PDE7B: variants seen among roughly 807,000 people sequenced by gnomAD.
The protein encoded by PDE7B is phosphodiesterase 7B, also known as 3',5'-cyclic-AMP phosphodiesterase 7B.
A neutral mutation model predicts 56.2 loss-of-function variants in PDE7B; 29 were observed. The ratio of observed to expected loss-of-function variants is 0.52; its 90% CI spans 0.38 to 0.70. The LOEUF (loss-of-function observed/expected upper bound fraction) is 0.70. Ranked by LOEUF, PDE7B falls within the 30% of genes least tolerant of loss-of-function variation. PDE7B has a pLI of 0.00. For synonymous variants in PDE7B, 197 were observed against 196.9 expected, an observed-to-expected ratio of 1.00 and a Z score of 0.00; for missense variants, 490 against 565.0, an observed-to-expected ratio of 0.87 and a Z score of 1.35.
chr6:135,950,604 C>T (rs561880915), intron 2 of PDE7B, among the ~76,000 whole-genome samples: 26 of 152,138 alleles, frequency 1.7e-4, no homozygotes, highest in Non-Finnish European at 3.1e-4. Context: ...CTGGTCAAGC[C>T]CTTGGCTCAC....
At chr6:135,997,694 A>G (rs1403437444) in intron 2 of PDE7B, among the ~76,000 whole-genome samples, 4 of 152,102 alleles carry the variant, frequency 2.6e-5, no homozygotes, top group Non-Finnish European at 5.9e-5. Flanking sequence ...ATCATTAAAC[A>G]CTATATTTGC....
chr6:135,874,438 G>C (rs1226896328), intron 1 of PDE7B, among the ~76,000 whole-genome samples: 2 of 152,148 alleles, frequency 1.3e-5, no homozygotes, highest in African/African-American at 4.8e-5. Flanking sequence ...ATTCACTGTG[G>C]TCCATTTCTA....
At chr6:136,016,470 A>G (rs781426980) in intron 2 of PDE7B, among the ~76,000 whole-genome samples, 8 of 152,222 alleles carry the variant, frequency 5.3e-5, no homozygotes, top group Non-Finnish European at 1.2e-4. Context: ...CGCTCGATAA[A>G]TATTAGCTAT....
At chr6:135,897,382 A>G (rs1057179027) in intron 1 of PDE7B, among the ~76,000 whole-genome samples, 2 of 152,080 alleles carry the variant, frequency 1.3e-5, no homozygotes, top group Admixed American at 6.6e-5. Flanking sequence ...AATGTCTTCT[A>G]CTTTCATTAG....
intron 2 of PDE7B, among the ~76,000 whole-genome samples, chr6:136,105,833 A>T (rs764634377): frequency 5.9e-5 from 9 of 152,174 alleles, no homozygotes; most frequent in Non-Finnish European, 1.2e-4. Context: ...CTAAATCTAA[A>T]ACTTTACGTA....
chr6:135,873,756 A>G (rs533569262), intron 1 of PDE7B, among the ~76,000 whole-genome samples: 1 of 152,314 alleles, frequency 6.6e-6, no homozygotes. Context: ...GACATAGACA[A>G]TGTTTTTATA....
At chr6:136,164,751 TATTAC>T (rs956508761) in intron 8 of PDE7B, among the ~76,000 whole-genome samples, 30 of 152,190 alleles carry the variant, frequency 2.0e-4, no homozygotes, top group Admixed American at 1.6e-3. Flanking sequence ...TATAAAATTA[TATTAC>T]ATTAAAATAA....
rs143991171 is a variant in PDE7B at position 136,181,229 on chromosome 6, C to T, written c.951C>T (p.Ile317=). 2.7e-5 allele frequency: 43 copies of T among 1,610,378 alleles called. No individual in the cohort carries two copies. The highest frequency in any genetic ancestry group is 1.9e-4 in the African/African-American group (14 of 74,832). The change falls in exon 11 of 13, where the codon ATC becomes ATT. Residue 317 remains isoleucine (I), a splice_region_variant and synonymous_variant. Transcript: ENST00000308191. ...DAQDRHFMLQ[I]ALKCADICNP... is the part of the protein sequence containing the mutation. ...CTCCCCGCCCTGTCATTTCTCAGAT[C>T]GCCTTGAAGTGTGCTGACATTTGCA...
intron 1 of PDE7B, among the ~76,000 whole-genome samples, chr6:135,910,837 G>A (rs1776199678): frequency 6.6e-6 from 1 of 151,392 alleles, no homozygotes; most frequent in Non-Finnish European, 1.5e-5. Flanking sequence ...GCATTATCTC[G>A]ACACAGCCAA....
chr6:136,098,599 C>A (rs887699588), intron 2 of PDE7B, among the ~76,000 whole-genome samples: 2 of 152,114 alleles, frequency 1.3e-5, no homozygotes, highest in East Asian at 1.9e-4. Context: ...TAAAGCCTCA[C>A]AATGCTTCTG....
chr6:136,014,210 A>G (rs1775938265), intron 2 of PDE7B, among the ~76,000 whole-genome samples: 1 of 152,266 alleles, frequency 6.6e-6, no homozygotes, highest in African/African-American at 2.4e-5. Context: ...AACTTGAAAT[A>G]TAGAGGAAAG....
intron 2 of PDE7B, among the ~76,000 whole-genome samples, chr6:135,975,978 C>T (rs1222880542): frequency 6.6e-6 from 1 of 152,124 alleles, no homozygotes; most frequent in Non-Finnish European, 1.5e-5. Flanking sequence ...ACCTTGGAAA[C>T]TCCTAGGTGA....
intron 2 of PDE7B, among the ~76,000 whole-genome samples, chr6:136,085,878 G>A (rs1202280607): frequency 6.6e-6 from 1 of 152,024 alleles, no homozygotes; most frequent in Non-Finnish European, 1.5e-5. Flanking sequence ...AACACTTCAG[G>A]CTCAAGCAGT....
intron 2 of PDE7B, among the ~76,000 whole-genome samples, chr6:136,020,811 A>C (rs1360051206): frequency 6.6e-6 from 1 of 152,122 alleles, no homozygotes; most frequent in Non-Finnish European, 1.5e-5. Flanking sequence ...ACTTTTGGGC[A>C]TAAGTACTTG....
intron 1 of PDE7B, among the ~76,000 whole-genome samples, chr6:135,885,334 T>C (rs9376163): frequency 8.1e-4 from 120 of 147,808 alleles, no homozygotes; most frequent in Non-Finnish European, 1.6e-3. Flanking sequence ...TGTTGTTTTT[T>C]TTTTTTTTTA....
intron 2 of PDE7B, among the ~76,000 whole-genome samples, chr6:135,956,554 A>G (rs371345678): frequency 2.8e-4 from 42 of 152,224 alleles, no homozygotes; most frequent in Admixed American, 7.2e-4. Flanking sequence ...CAAGGCAGGC[A>G]GATCACTTGA....
chr6:136,143,905 T>A (rs1394461275), intron 3 of PDE7B, among the ~76,000 whole-genome samples: 1 of 152,084 alleles, frequency 6.6e-6, no homozygotes, highest in African/African-American at 2.4e-5. Context: ...TGTGGCATAT[T>A]TCCATCATTC....
chr6:136,097,922 G>C (rs1777495810), intron 2 of PDE7B: 1 of 152,074 alleles, frequency 6.6e-6, no homozygotes, highest in East Asian at 1.9e-4. Context: ...TGCAAGGTAT[G>C]TTCTAAAGCA....
intron 2 of PDE7B, among the ~76,000 whole-genome samples, chr6:136,059,777 G>A (rs1776805031): frequency 6.6e-6 from 1 of 152,160 alleles, no homozygotes; most frequent in Non-Finnish European, 1.5e-5. Context: ...CCTCACAGTT[G>A]AAATAAATGG....
Sources: allele counts gnomAD v4.1 joint callset (sites outside exome capture counted in the v4.1 genomes callset), GRCh38; gene constraint gnomAD v4.1.1; transcripts MANE v1.5; gene names NCBI Gene and HGNC (gene_info 2026-07-23, HGNC 2026-07-21).